Variants in BPHL observed in about 807,000 individuals in gnomAD.
BPHL encodes serine hydrolase BPHL.
Under a neutral mutation model 31.2 loss-of-function variants are expected in BPHL, and 27 were observed. The ratio of observed to expected loss-of-function variants is 0.87; its 90% CI spans 0.64 to 1.19. BPHL has a LOEUF of 1.19. Among genes scored for constraint, BPHL ranks in the 50% most tolerant of loss-of-function variants. The probability of loss-of-function intolerance (pLI) is 0.00; values close to 1 mark genes in which losing one functional copy is unlikely to be tolerated. For synonymous variants in BPHL, 150 were observed against 146.8 expected, an observed-to-expected ratio of 1.02 and a Z score of -0.16; for missense variants, 356 against 375.7, an observed-to-expected ratio of 0.95 and a Z score of 0.43.
chr6:3,138,024 T>C lies in BPHL; in HGVS notation c.664+531T>C, dbSNP rs577846561. On this transcript the variant is annotated intron_variant, in intron 5 of 6. Transcript: ENST00000380379. The stretch of plus-strand genomic sequence containing the variant: ...CCATGAACAATGCACAAATGTCTCC[T>C]ATTCTTTTTTTTTTAGATGGAGTCT... The C allele has an allele frequency of 8.6e-6, 11 of 1,275,330 alleles. No homozygotes were observed. In the African/African-American group the frequency reaches 1.7e-4, roughly 19 times the overall value. The allele number at this position is 1,275,330 out of a possible 1,614,324, so 79.0% of individuals were successfully genotyped here.
At chr6:3,147,349 G>T (rs1438602325) in intron 6 of BPHL, among the ~76,000 whole-genome samples, 3 of 152,142 alleles carry the variant, frequency 2.0e-5, no homozygotes, top group Admixed American at 2.0e-4. Flanking sequence ...GGTGAATAGG[G>T]CCCCCAGAGG....
intron 4 of BPHL, among the ~76,000 whole-genome samples, chr6:3,134,845 G>A (rs964192088): frequency 2.6e-5 from 4 of 151,546 alleles, no homozygotes; most frequent in Non-Finnish European, 5.9e-5. Flanking sequence ...CTCGTGATCC[G>A]CCTGCCTCGG....
chr6:3,119,202 C>T, intron 1 of BPHL: 2 of 1,299,200 alleles, frequency 1.5e-6, no homozygotes, highest in Non-Finnish European at 2.1e-6. Context: ...ACTAGAATCC[C>T]AACGCCCTCA....
intron 4 of BPHL, among the ~76,000 whole-genome samples, chr6:3,134,615 T>C (rs1246285387): frequency 6.7e-6 from 1 of 149,752 alleles, no homozygotes; most frequent in Non-Finnish European, 1.5e-5. Context: ...TTTTTTTTTT[T>C]TTTTTTTTGA....
chr6:3,146,849 CGG>C (rs1762398059), intron 6 of BPHL, among the ~76,000 whole-genome samples: 1 of 103,272 alleles, frequency 9.7e-6, no homozygotes, highest in African/African-American at 4.4e-5. Context: ...TGGTTTGGGT[CGG>C]AGTGCTGGTT....
intron 1 of BPHL, 128 bp downstream of exon 1, chr6:3,118,975 C>T: frequency 2.5e-6 from 2 of 812,972 alleles, no homozygotes; most frequent in Non-Finnish European, 3.3e-6. Flanking sequence ...CCTGGCTGCC[C>T]TGTCGCCCTT....
chr6:3,122,196 T>C (rs1055589815), intron 1 of BPHL, among the ~76,000 whole-genome samples: 2 of 152,008 alleles, frequency 1.3e-5, no homozygotes, highest in Non-Finnish European at 2.9e-5. Flanking sequence ...AGGAGAATGG[T>C]GTGAACCCGG....
intron 3 of BPHL, among the ~76,000 whole-genome samples, chr6:3,128,512 T>C (rs957529809): frequency 2.6e-5 from 4 of 152,226 alleles, no homozygotes; most frequent in African/African-American, 4.8e-5. Context: ...GCCAAACGCA[T>C]GTCCAGACCC....
intron 4 of BPHL, among the ~76,000 whole-genome samples, chr6:3,135,618 C>T (rs539968324): frequency 4.6e-5 from 7 of 152,302 alleles, no homozygotes; most frequent in South Asian, 2.1e-4. Context: ...TCTTCTGAGA[C>T]GAGCGGACTT....
chr6:3,120,324 C>T (rs71552163), intron 1 of BPHL, among the ~76,000 whole-genome samples: 3,741 of 152,180 alleles, frequency 0.025, 86 homozygotes, highest in East Asian at 0.071. Context: ...CGTGAGCCAC[C>T]GCTCTCGGCC....
chr6:3,138,124 T>G, intron 5 of BPHL: 1 of 672,256 alleles, frequency 1.5e-6, no homozygotes, highest in Non-Finnish European at 2.3e-6. Flanking sequence ...GTTCAAGCGA[T>G]TGCTCTGCCT....
chr6:3,124,628 A>G (rs921404596), intron 2 of BPHL, among the ~76,000 whole-genome samples: 3 of 152,162 alleles, frequency 2.0e-5, no homozygotes, highest in African/African-American at 7.2e-5. Flanking sequence ...ATGCTGTGCA[A>G]ATAATTGTTA....
chr6:3,144,603 G>C (rs1042135282), intron 6 of BPHL, among the ~76,000 whole-genome samples: 1 of 151,612 alleles, frequency 6.6e-6, no homozygotes, highest in Admixed American at 6.6e-5. Context: ...TGTTGTCCAG[G>C]CTGGTCTTGA....
At chr6:3,133,584 A>G (rs1470272064) in intron 4 of BPHL, among the ~76,000 whole-genome samples, 1 of 150,738 alleles carries the variant, frequency 6.6e-6, no homozygotes, top group Non-Finnish European at 1.5e-5. Context: ...ATCCGAGACC[A>G]CCTGGGTCCC....
At position 3,129,155 on chromosome 6, in the gene BPHL, C is replaced by T. The variant is rs779409815; in HGVS notation, c.489C>T (p.Gly163=). 3.2e-5 allele frequency: 52 copies of T among 1,609,664 alleles called. No individual in the cohort carries two copies. The highest frequency in any genetic ancestry group is 1.7e-4 in the Middle Eastern group (1 of 6,042). ...ACATCCACAAGATGGTGATCTGGGG[C>T]GCCAACGCCTACGTCACTGACGAAG... is the stretch of plus-strand genomic sequence containing the variant. ...PSYIHKMVIW[G]ANAYVTDEDS... is the part of the protein sequence containing the mutation. Residue 163 remains glycine (G), a synonymous_variant, in exon 4 of 7, where the codon GGC becomes GGT. Transcript: ENST00000380379.
chr6:3,144,538 C>G (rs950544586), intron 6 of BPHL, among the ~76,000 whole-genome samples: 4 of 151,980 alleles, frequency 2.6e-5, no homozygotes, highest in African/African-American at 9.7e-5. Context: ...GCACGTACCA[C>G]CACTCCTAGC....
intron 6 of BPHL, among the ~76,000 whole-genome samples, chr6:3,143,269 T>A (rs952090516): frequency 1.3e-5 from 2 of 151,968 alleles, no homozygotes; most frequent in African/African-American, 4.8e-5. Context: ...GACTATCCCT[T>A]CCCAGATTTT....
In BPHL at chr6:3,126,379, T is replaced by C. The variant is rs370653189; in HGVS notation, c.212-863T>C. On this transcript the variant is annotated intron_variant, in intron 2 of 6. Coordinates refer to ENST00000380379, the MANE Select transcript of BPHL (RefSeq NM_004332.4). ...AAGTCATTGTTTTAAGAAGAATAGA[T>C]AACCCAGAAGCATATCTGTGAATTA... Among the ~76,000 whole-genome samples, 19 of 152,350 alleles carry C rather than the reference T, an allele frequency of 1.2e-4. No homozygotes were observed. The East Asian group carries it at 1.7e-3, about 14-fold the overall frequency.
In BPHL at chr6:3,127,323, G is replaced by C; in HGVS notation, c.293G>C (p.Gly98Ala). 1.3e-6 allele frequency: 2 copies of C among 1,518,474 alleles called. No individual in the cohort carries two copies. Among genetic ancestry groups the C allele is most frequent in the Non-Finnish European group, 1.8e-6 (2 of 1,127,772 alleles). The allele number at this position is 1,518,474 out of a possible 1,614,324, so 94.1% of individuals were successfully genotyped here. A position where few individuals can be genotyped will look rare whatever the true frequency, so the allele number is the denominator to read the frequency against. ...ACGGTGGTCGCCTGGGATCCTCGAG[G>C]CTATGGACATTCCAGGCCCCCAGAT... Reference protein sequence around the residue: ...LFTVVAWDPRGYGHSRPPDRD... With the variant: ...LFTVVAWDPRAYGHSRPPDRD... The change falls in exon 3 of 7, where the codon GGC becomes GCC. Residue 98 changes from glycine to alanine, a missense_variant. Transcript: ENST00000380379.
Sources: allele counts gnomAD v4.1 joint callset (sites outside exome capture counted in the v4.1 genomes callset), GRCh38; gene constraint gnomAD v4.1.1; transcripts MANE v1.5; gene names NCBI Gene and HGNC (gene_info 2026-07-23, HGNC 2026-07-21).